DSEL: variants seen among roughly 807,000 people sequenced by gnomAD.
The protein encoded by DSEL is dermatan sulfate epimerase like.
In DSEL, 61 loss-of-function variants were observed where a neutral mutation model predicts 96.6. The observed-to-expected ratio is 0.63, with a 90% CI of 0.51 to 0.78. The LOEUF is 0.78. DSEL is among the 30% of genes least tolerant of loss of function. DSEL has a pLI of 0.00. For synonymous variants in DSEL, 514 were observed against 502.0 expected (o/e 1.02, Z -0.32); for missense variants, 1,320 against 1,430.8 (o/e 0.92, Z 1.25).
chr18:67,514,125 T>A lies in DSEL; in HGVS notation c.484A>T (p.Asn162Tyr). The A allele has an allele frequency of 6.2e-7, 1 of 1,614,208 alleles. No homozygotes were observed. The highest frequency in any genetic ancestry group is 8.5e-7 in the Non-Finnish European group (1 of 1,180,036). ...ATTGGAACCTCATCTCCTGGTGCAT[T>A]CTCTACTAGCCAGTCTTTGTAGCCA... ...MVGYKDWLVE[N>Y]APGDEVPIGH... is the part of the protein sequence containing the mutation. Residue 162 changes from asparagine to tyrosine, a missense_variant, in exon 2 of 2, where the codon AAT (asparagine) becomes TAT (tyrosine). Transcript: ENST00000310045.
chr18:67,513,562 C>T lies in DSEL; in HGVS notation c.1047G>A (p.Lys349=), dbSNP rs144219968. ...GPESQLVFLD[K]FILKNGAGNW... is the part of the protein sequence containing the mutation. Reference sequence around the variant, plus strand: ...TTCCAGCTCCATTCTTTAAGATGAACTTATCCAAGAAAACTAGCTGGCTTT... The same window carrying T: ...TTCCAGCTCCATTCTTTAAGATGAATTTATCCAAGAAAACTAGCTGGCTTT... Residue 349 remains lysine, a synonymous_variant, in exon 2 of 2, where the codon AAG becomes AAA. Coordinates refer to ENST00000310045, the MANE Select transcript of DSEL (RefSeq NM_032160.3). The T allele has an allele frequency of 5.6e-5, 91 of 1,614,016 alleles. No homozygotes were observed. Among genetic ancestry groups the T allele is most frequent in the Non-Finnish European group, 7.4e-5 (87 of 1,180,040 alleles).
At position 67,509,495 on chromosome 18, in the gene DSEL, T is replaced by C. The variant is rs2144045437; in HGVS notation, c.*1475A>G. On this transcript the variant is annotated 3_prime_UTR_variant, in exon 2 of 2. Coordinates refer to ENST00000310045, the MANE Select transcript of DSEL (RefSeq NM_032160.3). ...GAGGGGGGGCAGTCTCCACTCACAC[T>C]ATAATGGAAGAAAAATGACAGCCAA... is the stretch of plus-strand genomic sequence containing the variant. The C allele has an allele frequency of 6.6e-6, 1 of 152,284 alleles. No individual in the cohort carries two copies. Among genetic ancestry groups the C allele is most frequent in the Non-Finnish European group, 1.5e-5 (1 of 68,038 alleles). The allele number at this position is 152,284 out of a possible 1,614,324, so 9.4% of individuals were successfully genotyped here.
rs2089455528 is a variant in DSEL, at chr18:67,513,371, G to C, written c.1238C>G (p.Pro413Arg). The C allele has an allele frequency of 6.2e-7, 1 of 1,614,172 alleles. No homozygotes were observed. ...DYGTAKIHTF[P>R]NWGVVTYGAG... ...CCCATAAGTAACCACACCCCAGTTA[G>C]GGAATGTGTGTATTTTTGCAGTACC... The change falls in exon 2 of 2, where the codon CCT becomes CGT. Residue 413 changes from proline (P) to arginine (R), a missense_variant. By Grantham distance (103) the Pro-to-Arg change is moderately radical. Coordinates refer to ENST00000310045, the MANE Select transcript of DSEL (RefSeq NM_032160.3).
chr18:67,512,638 A>T lies in DSEL; in HGVS notation c.1971T>A (p.Phe657Leu). Residue 657 changes from phenylalanine to leucine, a missense_variant, in exon 2 of 2, where the codon TTT (phenylalanine) becomes TTA (leucine). Physicochemically the swap from Phe to Leu is conservative, Grantham distance 22 (BLOSUM62 0). Coordinates refer to ENST00000310045, the MANE Select transcript of DSEL (RefSeq NM_032160.3). The part of the protein sequence containing the change: ...SIQEAEQAAE[F>L]KKRWTQFVNV... ...TAACAAATTGAGTCCATCGTTTTTT[A>T]AATTCAGCAGCTTGCTCTGCTTCCT... 6.2e-7 allele frequency: 1 copy of T among 1,614,140 alleles called. No individual in the cohort carries two copies. Among genetic ancestry groups the T allele is most frequent in the Non-Finnish European group, 8.5e-7 (1 of 1,180,032 alleles).
In DSEL at chr18:67,511,695, T is replaced by A. The variant is rs1312901765; in HGVS notation, c.2914A>T (p.Ser972Cys). The A allele has an allele frequency of 6.2e-7, 1 of 1,614,200 alleles. No homozygotes were observed. The highest frequency in any genetic ancestry group is 2.2e-5 in the East Asian group (1 of 44,886). ...KRRESLPEQR[S>C]QMKGAFDRDA... ...CTATCAAAGGCGCCTTTCATTTGACTTCTTTGTTCTGGCAAAGACTCTCTC... is the reference window on the plus strand; with the variant it reads ...CTATCAAAGGCGCCTTTCATTTGACATCTTTGTTCTGGCAAAGACTCTCTC... Residue 972 changes from serine (S) to cysteine (C), a missense_variant, in exon 2 of 2, where the codon AGT becomes TGT. Physicochemically the swap from Ser to Cys is moderately radical, Grantham distance 112. Coordinates refer to ENST00000310045, the MANE Select transcript of DSEL (RefSeq NM_032160.3).
In DSEL at chr18:67,516,425, T is replaced by C. The variant is rs1446738724; in HGVS notation, c.-949A>G. The C allele has an allele frequency of 6.6e-6, 1 of 151,920 alleles. No individual in the cohort carries two copies. Among genetic ancestry groups the C allele is most frequent in the Non-Finnish European group, 1.5e-5 (1 of 68,048 alleles). 9.4% of individuals were successfully genotyped at this position (151,920 alleles called of 1,614,324 possible). A position where few individuals can be genotyped will look rare whatever the true frequency, so the allele number is the denominator to read the frequency against. Reference sequence around the variant, plus strand: ...CCCCAAGGGAGACGGAGGTGGAGAGTTCCAGAAAACTGCTCTGCACGGCGG... The same window carrying C: ...CCCCAAGGGAGACGGAGGTGGAGAGCTCCAGAAAACTGCTCTGCACGGCGG... On this transcript the variant is annotated 5_prime_UTR_variant, in exon 1 of 2. Transcript: ENST00000310045. The surrounding 1 kb of genome is among the most constrained non-coding windows in gnomAD (Gnocchi z 5.6).
In DSEL at chr18:67,513,917, G is replaced by A; in HGVS notation, c.692C>T (p.Ala231Val). 6.2e-7 allele frequency: 1 copy of A among 1,614,160 alleles called. No individual in the cohort carries two copies. Among genetic ancestry groups the A allele is most frequent in the Non-Finnish European group, 8.5e-7 (1 of 1,180,018 alleles). Residue 231 changes from alanine to valine, a missense_variant, in exon 2 of 2, where the codon GCA becomes GTA. Transcript: ENST00000310045. ...AGTCACCAAGGCCCCTGTGAGTAAT[G>A]CTATCATATTAGTGGCTTGGTGGTT... is the stretch of plus-strand genomic sequence containing the variant. ...LHNHQATNMI[A>V]LLTGALVTGV...
At position 67,513,434 on chromosome 18, in the gene DSEL, T is replaced by C. The variant is rs1462180245; in HGVS notation, c.1175A>G (p.Tyr392Cys). The change falls in exon 2 of 2, where the codon TAT (tyrosine) becomes TGT (cysteine). Residue 392 changes from tyrosine to cysteine, a missense_variant. Transcript: ENST00000310045. ...WSTLHTEYIW[Y>C]DPQLTPQPPA... ...TGGCTGTGGTGTGAGCTGGGGATCA[T>C]ACCAGATGTATTCAGTGTGAAGAGT... The C allele has an allele frequency of 3.7e-6, 6 of 1,614,056 alleles. No homozygotes were observed. The highest frequency in any genetic ancestry group is 5.1e-6 in the Non-Finnish European group (6 of 1,180,054).
In DSEL at chr18:67,513,822, A is replaced by G; in HGVS notation, c.787T>C (p.Phe263Leu). The part of the protein sequence containing the change: ...AVVDVMEKTM[F>L]LLNHIVDGSL... Reference sequence around the variant, plus strand: ...CCATCAACAATATGATTCAATAGAAACATTGTCTTTTCCATGACATCCACT... The same window carrying G: ...CCATCAACAATATGATTCAATAGAAGCATTGTCTTTTCCATGACATCCACT... Residue 263 changes from phenylalanine (F) to leucine (L), a missense_variant, in exon 2 of 2, where the codon TTT (phenylalanine) becomes CTT (leucine). Phe to Leu is a conservative substitution (Grantham distance 22). This residue lies in a region of DSEL where 323 missense variants were observed against 333.1 expected (regional missense o/e 0.97). Coordinates refer to ENST00000310045, the MANE Select transcript of DSEL (RefSeq NM_032160.3). 1 of 1,614,172 alleles carries G rather than the reference A, an allele frequency of 6.2e-7. No homozygotes were observed. Among genetic ancestry groups the G allele is most frequent in the Non-Finnish European group, 8.5e-7 (1 of 1,180,022 alleles).
rs920310550 is a variant in DSEL, at chr18:67,510,577, G to A, written c.*393C>T. 1 of 174,186 alleles carries A rather than the reference G, an allele frequency of 5.7e-6. No individual in the cohort carries two copies. The highest frequency in any genetic ancestry group is 2.0e-4 in the South Asian group (1 of 5,078). The allele number at this position is 174,186 out of a possible 1,614,324, so 10.8% of individuals were successfully genotyped here. ...TCCATCTTGAAAGCAAGAGATGCGT[G>A]GGTAAAGCAGCAATTGCAAGGCCTT... On this transcript the variant is annotated 3_prime_UTR_variant, in exon 2 of 2. Transcript: ENST00000310045.
At position 67,510,943 on chromosome 18, in the gene DSEL, G is replaced by C. The variant is rs1012582010; in HGVS notation, c.*27C>G. ...CAAAGTGGGTTGGTAAGTATTATTA[G>C]TGCAAATTTCTGCTGACCTGCAGCA... On this transcript the variant is annotated 3_prime_UTR_variant, in exon 2 of 2. Coordinates refer to ENST00000310045, the MANE Select transcript of DSEL (RefSeq NM_032160.3). 6.5e-7 allele frequency: 1 copy of C among 1,534,990 alleles called. No individual in the cohort carries two copies. The highest frequency in any genetic ancestry group is 8.7e-7 in the Non-Finnish European group (1 of 1,145,984).
rs1424525771 is a variant in DSEL, at chr18:67,506,888, T to C, written c.*4082A>G. 1.3e-5 allele frequency: 2 copies of C among 152,230 alleles called. No homozygotes were observed. The highest frequency in any genetic ancestry group is 2.9e-5 in the Non-Finnish European group (2 of 68,048). 9.4% of individuals were successfully genotyped at this position (152,230 alleles called of 1,614,324 possible). A position where few individuals can be genotyped will look rare whatever the true frequency, so the allele number is the denominator to read the frequency against. The stretch of plus-strand genomic sequence containing the variant: ...AATCTATTGTTTGAAGTGTCTATTG[T>C]ACTCTATGCAAAAATCCAAAGTCAT... On this transcript the variant is annotated 3_prime_UTR_variant, in exon 2 of 2. Coordinates refer to ENST00000310045, the MANE Select transcript of DSEL (RefSeq NM_032160.3).
chr18:67,514,217 T>C lies in DSEL; in HGVS notation c.392A>G (p.Tyr131Cys), dbSNP rs2144054828. Residue 131 changes from tyrosine (Y) to cysteine (C), a missense_variant, in exon 2 of 2, where the codon TAC becomes TGC. Tyr to Cys is a radical substitution (Grantham distance 194). Around this residue, in one of 3 missense-constraint regions of DSEL, gnomAD observed 323 missense variants for 333.1 expected, o/e 0.97. Coordinates refer to ENST00000310045, the MANE Select transcript of DSEL (RefSeq NM_032160.3). ...TTTGTCTTCTGGGCATAACAAACAGTACAATGCTAAAGGAGGCAGATTGTT... is the reference window on the plus strand; with the variant it reads ...TTTGTCTTCTGGGCATAACAAACAGCACAATGCTAAAGGAGGCAGATTGTT... ...YGNNLPPLAL[Y>C]CLLCPEDKVA... 4.3e-6 allele frequency: 7 copies of C among 1,614,202 alleles called. No individual in the cohort carries two copies. Among genetic ancestry groups the C allele is most frequent in the Non-Finnish European group, 5.9e-6 (7 of 1,180,028 alleles).
Position 67,514,709 on chromosome 18 carries a change from A to AGACAAAG in DSEL, c.-108_-102dup. ...AAAACATACAGTAAAGGCCTTGATA[A>AGACAAAG]GACAAAGACTGTAAATCTGATATGC... On this transcript the variant is annotated 5_prime_UTR_variant, in exon 2 of 2. The change creates a premature stop within an existing upstream ORF in the 5' untranslated region. Coordinates refer to ENST00000310045, the MANE Select transcript of DSEL (RefSeq NM_032160.3). 7.8e-7 allele frequency: 1 copy of AGACAAAG among 1,284,452 alleles called. No homozygotes were observed. Among genetic ancestry groups the AGACAAAG allele is most frequent in the African/African-American group, 1.5e-5 (1 of 67,048 alleles). The allele number at this position is 1,284,452 out of a possible 1,614,324, so 79.6% of individuals were successfully genotyped here.
chr18:67,514,188 C>G lies in DSEL; in HGVS notation c.421G>C (p.Ala141Pro). Residue 141 changes from alanine to proline, a missense_variant, in exon 2 of 2, where the codon GCC becomes CCC. Ala to Pro is a conservative substitution (Grantham distance 27). This residue lies in a region of DSEL where 323 missense variants were observed against 333.1 expected (regional missense o/e 0.97). Coordinates refer to ENST00000310045, the MANE Select transcript of DSEL (RefSeq NM_032160.3). The part of the protein sequence containing the change: ...YCLLCPEDKV[A>P]FEFVLEYMDR... ...ATATATTCCAAGACAAATTCAAAGG[C>G]AACTTTGTCTTCTGGGCATAACAAA... 6.2e-7 allele frequency: 1 copy of G among 1,614,168 alleles called. No individual in the cohort carries two copies. The highest frequency in any genetic ancestry group is 1.1e-5 in the South Asian group (1 of 91,082).
chr18:67,514,963 G>C lies in DSEL; in HGVS notation c.-355C>G, dbSNP rs2089467317. 1.5e-5 allele frequency: 4 copies of C among 273,540 alleles called. No homozygotes were observed. The highest frequency in any genetic ancestry group is 2.9e-5 in the Non-Finnish European group (4 of 138,140). The allele number at this position is 273,540 out of a possible 1,614,324, so 16.9% of individuals were successfully genotyped here. ...TAAATCTATTTAACACAAAGAGTTG[G>C]AACACACATTGTAAAAAAAGAGAAA... is the stretch of plus-strand genomic sequence containing the variant. On this transcript the variant is annotated 5_prime_UTR_variant, in exon 2 of 2. Coordinates refer to ENST00000310045, the MANE Select transcript of DSEL (RefSeq NM_032160.3).
chr18:67,514,803 G>T lies in DSEL; in HGVS notation c.-195C>A. ...TTGCCAAAAAGAGAAAACTTAAATTGTATATCTCTGTCCCTGGCACAGTTT... is the reference window on the plus strand; with the variant it reads ...TTGCCAAAAAGAGAAAACTTAAATTTTATATCTCTGTCCCTGGCACAGTTT... On this transcript the variant is annotated 5_prime_UTR_variant, in exon 2 of 2. Transcript: ENST00000310045. The T allele has an allele frequency of 1.7e-6, 1 of 604,224 alleles. No individual in the cohort carries two copies. Among genetic ancestry groups the T allele is most frequent in the South Asian group, 2.6e-5 (1 of 38,444 alleles). The allele number at this position is 604,224 out of a possible 1,614,324, so 37.4% of individuals were successfully genotyped here.
chr18:67,514,485 A>T lies in DSEL; in HGVS notation c.124T>A (p.Phe42Ile). The T allele has an allele frequency of 6.2e-7, 1 of 1,614,148 alleles. No individual in the cohort carries two copies. The highest frequency in any genetic ancestry group is 8.5e-7 in the Non-Finnish European group (1 of 1,180,026). Residue 42 changes from phenylalanine (F) to isoleucine (I), a missense_variant, in exon 2 of 2, where the codon TTT becomes ATT. Phe to Ile is a conservative substitution (Grantham distance 21). This residue lies in a region of DSEL where 323 missense variants were observed against 333.1 expected (regional missense o/e 0.97). Coordinates refer to ENST00000310045, the MANE Select transcript of DSEL (RefSeq NM_032160.3). The stretch of plus-strand genomic sequence containing the variant: ...AAATCTTGCACTTTCTGTGTTTTAA[A>T]CTGATCTATATCATCTGTGAAAACT... The part of the protein sequence containing the change: ...WAVFTDDIDQ[F>I]KTQKVQDFRP...
At position 67,509,228 on chromosome 18, in the gene DSEL, A is replaced by T. The variant is rs531055059; in HGVS notation, c.*1742T>A. On this transcript the variant is annotated 3_prime_UTR_variant, in exon 2 of 2. Coordinates refer to ENST00000310045, the MANE Select transcript of DSEL (RefSeq NM_032160.3). ...CTAGGAATTGAAAGTAAACACTGAG[A>T]TTCTGCCCAATAATGGAAATAGTGT... 6.6e-6 allele frequency: 1 copy of T among 152,312 alleles called. No homozygotes were observed. The highest frequency in any genetic ancestry group is 1.9e-4 in the East Asian group (1 of 5,182). The allele number at this position is 152,312 out of a possible 1,614,324, so 9.4% of individuals were successfully genotyped here.
Sources: gnomAD v4.1 joint callset for allele counts on GRCh38, gnomAD v4.1.1 for gene constraint, gnomAD v4.1.1 regional missense constraint, Gnocchi (gnomAD v3.1) non-coding constraint, MANE v1.5 for transcripts, NCBI Gene and HGNC (gene_info 2026-07-23, HGNC 2026-07-21) for gene names.